The following NIBAN1 variants were observed in gnomAD, a reference collection of about 807,000 sequenced individuals.
NIBAN1 encodes the protein niban apoptosis regulator 1, also known as protein Niban 1.
In NIBAN1, 81 loss-of-function variants were observed where a neutral mutation model predicts 75.1. The ratio of observed to expected loss-of-function variants is 1.08; its 90% confidence interval spans 0.90 to 1.30. The LOEUF (loss-of-function observed/expected upper bound fraction) is 1.30, where lower values mean the gene tolerates loss of function less well. Among genes scored for constraint, NIBAN1 ranks in the 50% most tolerant of loss-of-function variants. The pLI is 0.00. For synonymous variants in NIBAN1, 436 were observed against 424.8 expected, an observed-to-expected ratio of 1.03 and a Z score of -0.32; for missense variants, 1,133 against 1,128.1, an observed-to-expected ratio of 1.00 and a Z score of -0.06.
intron 1 of NIBAN1, among the ~76,000 whole-genome samples, chr1:184,946,838 C>T (rs1658236879): frequency 6.6e-6 from 1 of 152,066 alleles, no homozygotes; most frequent in South Asian, 2.1e-4. Context: ...TTTCGGGAGG[C>T]CAAGGCGGAT....
intron 1 of NIBAN1, among the ~76,000 whole-genome samples, chr1:184,916,945 T>A (rs1657400280): frequency 6.6e-6 from 1 of 152,198 alleles, no homozygotes; most frequent in African/African-American, 2.4e-5. Context: ...CATAGTTGAT[T>A]CACTAACACC....
intron 1 of NIBAN1, among the ~76,000 whole-genome samples, chr1:184,912,044 G>A (rs748247742): frequency 2.0e-5 from 3 of 151,964 alleles, no homozygotes; most frequent in Admixed American, 6.6e-5. Context: ...CTCTTACAAC[G>A]TATGTATGTA....
chr1:184,830,035 T>C (rs1654954149), intron 6 of NIBAN1, among the ~76,000 whole-genome samples: 1 of 152,220 alleles, frequency 6.6e-6, no homozygotes, highest in African/African-American at 2.4e-5. Context: ...CATCTCTGGG[T>C]CACTAGCCCC....
intron 5 of NIBAN1, among the ~76,000 whole-genome samples, chr1:184,875,361 C>G (rs1407913875): frequency 1.3e-5 from 2 of 152,158 alleles, no homozygotes; most frequent in Non-Finnish European, 2.9e-5. Context: ...CTTGAGGTCT[C>G]TCATGAAGCT....
At chr1:184,842,702 G>T (rs1035844793) in intron 5 of NIBAN1, among the ~76,000 whole-genome samples, 31 of 41,092 alleles carry the variant, frequency 7.5e-4, no homozygotes, top group African/African-American at 2.8e-3. Flanking sequence ...GCAGTGAGCC[G>T]AGATTGTGCC....
intron 1 of NIBAN1, among the ~76,000 whole-genome samples, chr1:184,936,405 C>T (rs1003430638): frequency 2.0e-5 from 3 of 152,216 alleles, no homozygotes; most frequent in Admixed American, 6.5e-5. Flanking sequence ...TCATATTTCT[C>T]ATGTTCCTGT....
chr1:184,963,883 T>C (rs1195547839), intron 1 of NIBAN1, among the ~76,000 whole-genome samples: 2 of 152,190 alleles, frequency 1.3e-5, no homozygotes, highest in African/African-American at 2.4e-5. Context: ...AAAATGGTTT[T>C]TCATGAAATT....
chr1:184,808,149 C>T lies in NIBAN1; in HGVS notation c.1260G>A (p.Leu420=). ...YTKVNLLHER[L]QDLKSRFRFP... ...ATCTGAAGCGGCTCTTGAGATCCTGCAGGCGCTCGTGAAGCAGGTTGACTT... is the reference window on the plus strand; with the variant it reads ...ATCTGAAGCGGCTCTTGAGATCCTGTAGGCGCTCGTGAAGCAGGTTGACTT... The change falls in exon 10 of 14, where the codon CTG becomes CTA. Residue 420 remains leucine, a synonymous_variant. Transcript: ENST00000367511. 6.2e-7 allele frequency: 1 copy of T among 1,614,090 alleles called. No individual in the cohort carries two copies. Among genetic ancestry groups the T allele is most frequent in the Non-Finnish European group, 8.5e-7 (1 of 1,179,986 alleles).
chr1:184,805,715 C>A (rs547367082), intron 11 of NIBAN1, among the ~76,000 whole-genome samples: 23 of 152,170 alleles, frequency 1.5e-4, no homozygotes, highest in Non-Finnish European at 2.8e-4. Flanking sequence ...GGACGCGGGG[C>A]CTGTAGCTGT....
intron 6 of NIBAN1, among the ~76,000 whole-genome samples, chr1:184,829,956 G>T (rs527418502): frequency 5.3e-5 from 8 of 152,272 alleles, no homozygotes; most frequent in African/African-American, 1.9e-4. Flanking sequence ...CATTGCCTTT[G>T]CATTTGTCCA....
At chr1:184,858,303 T>G (rs779433971) in intron 5 of NIBAN1, among the ~76,000 whole-genome samples, 2 of 152,038 alleles carry the variant, frequency 1.3e-5, no homozygotes, top group Non-Finnish European at 2.9e-5. Flanking sequence ...AATATCTAAA[T>G]GTTCAGAGTT....
chr1:184,961,106 TCG>T (rs1658629079), intron 1 of NIBAN1, among the ~76,000 whole-genome samples: 1 of 138,258 alleles, frequency 7.2e-6, no homozygotes. Flanking sequence ...TCTTGCTCTG[TCG>T]CCCAGGCTGG....
intron 5 of NIBAN1, among the ~76,000 whole-genome samples, chr1:184,873,366 T>C (rs1211553378): frequency 3.3e-5 from 5 of 152,222 alleles, no homozygotes; most frequent in African/African-American, 1.2e-4. Context: ...ATATACTGCA[T>C]TGGCATATTG....
chr1:184,793,288 AG>A lies in NIBAN1; in HGVS notation c.*1688del, dbSNP rs1653745255. 3 of 152,282 alleles carry A rather than the reference AG, an allele frequency of 2.0e-5. No individual in the cohort carries two copies. Among genetic ancestry groups the A allele is most frequent in the African/African-American group, 7.2e-5 (3 of 41,558 alleles). The allele number at this position is 152,282 out of a possible 1,614,324, so 9.4% of individuals were successfully genotyped here. A position where few individuals can be genotyped will look rare whatever the true frequency, so the allele number is the denominator to read the frequency against. On this transcript the variant is annotated 3_prime_UTR_variant, in exon 14 of 14. Transcript: ENST00000367511. ...GTTAAAATTTGGGGAGGGGCCAGGT[AG>A]CTCACGCTGTAATCCCAGCACTTTG...
chr1:184,926,291 G>A (rs748228666), intron 1 of NIBAN1, among the ~76,000 whole-genome samples: 2 of 152,184 alleles, frequency 1.3e-5, no homozygotes, highest in Non-Finnish European at 2.9e-5. Flanking sequence ...AGGCTGGAGT[G>A]CAGTGGTGCA....
At chr1:184,971,233 G>A (rs1013474061) in intron 1 of NIBAN1, among the ~76,000 whole-genome samples, 56 of 152,148 alleles carry the variant, frequency 3.7e-4, no homozygotes, top group African/African-American at 1.3e-3. Flanking sequence ...CACAGTGATT[G>A]TACCACTGCA....
intron 5 of NIBAN1, among the ~76,000 whole-genome samples, chr1:184,853,716 C>T (rs1011850024): frequency 9.9e-5 from 15 of 152,122 alleles, no homozygotes; most frequent in Non-Finnish European, 1.9e-4. Flanking sequence ...CATACACACA[C>T]CTGTGCGCAC....
intron 5 of NIBAN1, among the ~76,000 whole-genome samples, chr1:184,834,955 C>T (rs1404964224): frequency 6.6e-6 from 1 of 152,128 alleles, no homozygotes; most frequent in Non-Finnish European, 1.5e-5. Flanking sequence ...AGGTTTTCTT[C>T]CAGGGTTTTT....
At position 184,845,787 on chromosome 1, in the gene NIBAN1, C is replaced by T. The variant is rs1423126410; in HGVS notation, c.602-13825G>A. 3.5e-5 allele frequency among the ~76,000 whole-genome samples: 3 copies of T among 85,006 alleles called. 1 individual carries two copies. The Admixed American group carries it at 3.7e-4, about 11-fold the overall frequency. 55.8% of individuals were successfully genotyped at this position (85,006 alleles called of 152,430 possible). A position where few individuals can be genotyped will look rare whatever the true frequency, so the allele number is the denominator to read the frequency against. On this transcript the variant is annotated intron_variant, in intron 5 of 13. Transcript: ENST00000367511. ...TGTGCGCACCGTGCGCGAGCCGAAG[C>T]AGGGCGAGGCATTGCCTCACCTGGG...
Sources: allele counts gnomAD v4.1 joint callset (sites outside exome capture counted in the v4.1 genomes callset), GRCh38; gene constraint gnomAD v4.1.1; transcripts MANE v1.5; gene names NCBI Gene and HGNC (gene_info 2026-07-23, HGNC 2026-07-21).